AGBL4: variants seen among roughly 807,000 people sequenced by gnomAD.
The protein encoded by AGBL4 is cytosolic carboxypeptidase 6.
Under a neutral mutation model 66.4 loss-of-function variants are expected in AGBL4, and 58 were observed. That is an observed-to-expected ratio of 0.87 (90% CI 0.71 to 1.09). The LOEUF (loss-of-function observed/expected upper bound fraction) is 1.09, where lower values mean the gene tolerates loss of function less well. Ranked by LOEUF, AGBL4 falls within the 50% of genes least tolerant of loss-of-function variation. AGBL4 has a pLI of 0.00. For synonymous variants in AGBL4, 234 were observed against 222.9 expected (o/e 1.05, Z -0.44); for missense variants, 579 against 631.0 (o/e 0.92, Z 0.88).
At chr1:49,901,464 T>C (rs1215560940) in intron 1 of AGBL4, among the ~76,000 whole-genome samples, 1 of 151,888 alleles carries the variant, frequency 6.6e-6, no homozygotes, top group Non-Finnish European at 1.5e-5. Context: ...AAGAATAAAA[T>C]ACATAGGAAT....
intron 3 of AGBL4, among the ~76,000 whole-genome samples, chr1:49,404,579 A>G (rs1162293433): frequency 6.6e-6 from 1 of 152,190 alleles, no homozygotes; most frequent in Non-Finnish European, 1.5e-5. Flanking sequence ...CCATTACACT[A>G]TATGATCCTT....
At chr1:49,638,462 T>G (rs1645720189) in intron 3 of AGBL4, among the ~76,000 whole-genome samples, 1 of 152,178 alleles carries the variant, frequency 6.6e-6, no homozygotes, top group African/African-American at 2.4e-5. Context: ...CTTCATTCAT[T>G]TCCTAATCCA....
chr1:49,457,173 A>G (rs1267951372), intron 3 of AGBL4, among the ~76,000 whole-genome samples: 2 of 151,904 alleles, frequency 1.3e-5, no homozygotes. Context: ...TGGTTGTACT[A>G]GTTTACATTC....
At chr1:49,899,355 G>A (rs1201438441) in intron 1 of AGBL4, among the ~76,000 whole-genome samples, 2 of 151,928 alleles carry the variant, frequency 1.3e-5, no homozygotes, top group Non-Finnish European at 2.9e-5. Flanking sequence ...TAATTTAATT[G>A]TACATTTAAA....
rs560094413 is a variant in AGBL4 at position 49,882,206 on chromosome 1, G to A, written c.35-30688C>T. Reference sequence around the variant, plus strand: ...AAAGATCAGATAGTTGTAGATATGCGGCATTATTTCTGAGGGCTCTGTTCT... The same window carrying A: ...AAAGATCAGATAGTTGTAGATATGCAGCATTATTTCTGAGGGCTCTGTTCT... On this transcript the variant is annotated intron_variant, in intron 1 of 13. Transcript: ENST00000371839. Among the ~76,000 whole-genome samples, 64 of 149,412 alleles carry A rather than the reference G, an allele frequency of 4.3e-4. 1 individual carries two copies. In the East Asian group the frequency reaches 0.011, roughly 26 times the overall value.
At position 49,761,755 on chromosome 1, in the gene AGBL4, T is replaced by C. The variant is rs543570750; in HGVS notation, c.158-64318A>G. On this transcript the variant is annotated intron_variant, in intron 2 of 13. Transcript: ENST00000371839. ...TTTAAAAATATATAATGCTTTACTG[T>C]TAACCATCATCACCTTACTATATTG... Among the ~76,000 whole-genome samples the C allele has an allele frequency of 3.3e-5, 5 of 152,338 alleles. No individual in the cohort carries two copies. The South Asian group carries it at 1.0e-3, about 32-fold the overall frequency.
At chr1:48,816,899 A>G (rs1646192090) in intron 6 of AGBL4, among the ~76,000 whole-genome samples, 1 of 152,212 alleles carries the variant, frequency 6.6e-6, no homozygotes, top group Non-Finnish European at 1.5e-5. Flanking sequence ...ATATACCTAC[A>G]TCTGTCTAGG....
At chr1:49,790,714 A>G (rs918695690) in intron 2 of AGBL4, among the ~76,000 whole-genome samples, 5 of 152,214 alleles carry the variant, frequency 3.3e-5, no homozygotes, top group Non-Finnish European at 7.4e-5. Flanking sequence ...AAGCAAAAAC[A>G]GAGGGGATTC....
intron 5 of AGBL4, among the ~76,000 whole-genome samples, chr1:48,879,180 G>C (rs1402820727): frequency 6.6e-6 from 1 of 150,570 alleles, no homozygotes; most frequent in Non-Finnish European, 1.5e-5. Flanking sequence ...CATGGAGAAA[G>C]CAAATGTGTT....
At chr1:49,259,736 TAGAC>T (rs1652925080) in intron 3 of AGBL4, among the ~76,000 whole-genome samples, 1 of 126,386 alleles carries the variant, frequency 7.9e-6, no homozygotes, top group African/African-American at 3.0e-5. Context: ...CTGTCAACAT[TAGAC>T]AGATCAACGA....
chr1:49,365,618 G>A (rs908184204), intron 3 of AGBL4, among the ~76,000 whole-genome samples: 1 of 151,480 alleles, frequency 6.6e-6, no homozygotes, highest in Non-Finnish European at 1.5e-5. Flanking sequence ...TGAAACAGAA[G>A]TATTAACTCT....
At chr1:48,794,142 A>G (rs1429356738) in intron 6 of AGBL4, among the ~76,000 whole-genome samples, 3 of 152,180 alleles carry the variant, frequency 2.0e-5, no homozygotes, top group Admixed American at 6.5e-5. Context: ...GCACAGCAAC[A>G]TTTTTAGAAC....
chr1:49,934,677 C>A (rs549801735), intron 1 of AGBL4, among the ~76,000 whole-genome samples: 1 of 151,906 alleles, frequency 6.6e-6, no homozygotes, highest in Non-Finnish European at 1.5e-5. Flanking sequence ...CACTTTAGAC[C>A]AATAAATACC....
At chr1:49,381,608 A>G (rs1212219394) in intron 3 of AGBL4, among the ~76,000 whole-genome samples, 1 of 152,182 alleles carries the variant, frequency 6.6e-6, no homozygotes, top group Non-Finnish European at 1.5e-5. Flanking sequence ...AATGTCTAAC[A>G]GTATTAGACT....
intron 4 of AGBL4, among the ~76,000 whole-genome samples, chr1:49,144,785 G>A (rs1271874943): frequency 6.6e-6 from 1 of 152,206 alleles, no homozygotes; most frequent in Non-Finnish European, 1.5e-5. Context: ...ACTTCCCAGA[G>A]AGGAAGACAC....
intron 6 of AGBL4, among the ~76,000 whole-genome samples, chr1:48,827,981 GTC>G (rs1258417648): frequency 7.4e-6 from 1 of 135,434 alleles, no homozygotes; most frequent in Non-Finnish European, 1.6e-5. Context: ...GTGAGACCCC[GTC>G]TCTACTAAAA....
chr1:49,236,176 C>T (rs901689695), intron 4 of AGBL4, among the ~76,000 whole-genome samples: 1 of 151,948 alleles, frequency 6.6e-6, no homozygotes, highest in South Asian at 2.1e-4. Context: ...ATTATAGGTG[C>T]CCACCACCAT....
chr1:49,743,436 C>T (rs1244623019), intron 2 of AGBL4, among the ~76,000 whole-genome samples: 1 of 151,880 alleles, frequency 6.6e-6, no homozygotes, highest in Non-Finnish European at 1.5e-5. Context: ...GAAATAGGAA[C>T]ACTTTTACAC....
At chr1:48,529,391 T>C (rs994510453), downstream of AGBL4, among the ~76,000 whole-genome samples, 1 of 152,116 alleles carries the variant, frequency 6.6e-6, no homozygotes, top group Non-Finnish European at 1.5e-5. Context: ...ATAGATGTTA[T>C]TATATTCAAT....
Sources: gnomAD v4.1 joint callset for allele counts (sites outside exome capture counted in the v4.1 genomes callset) on GRCh38, gnomAD v4.1.1 for gene constraint, MANE v1.5 for transcripts, NCBI Gene and HGNC (gene_info 2026-07-23, HGNC 2026-07-21) for gene names.